ME2: variants seen among roughly 807,000 people sequenced by gnomAD.
ME2 encodes the protein malic enzyme 2, also known as NAD-dependent malic enzyme, mitochondrial.
Under a neutral mutation model 73.7 loss-of-function variants are expected in ME2, and 60 were observed. That is an observed-to-expected ratio of 0.81 (90% CI 0.66 to 1.01). The LOEUF is 1.01. ME2 is among the 50% of genes least tolerant of loss of function. ME2 has a pLI of 0.00. For missense variants in ME2, 594 were observed against 705.5 expected, an observed-to-expected ratio of 0.84 and a Z score of 1.79; for synonymous variants, 199 against 236.9, an observed-to-expected ratio of 0.84 and a Z score of 1.47.
intron 13 of ME2, chr18:50,933,017 T>G (rs1159823743): frequency 1.3e-5 from 2 of 152,254 alleles, no homozygotes; most frequent in Non-Finnish European, 2.9e-5. Flanking sequence ...TAATAATTGC[T>G]TAATATCGTT....
At chr18:50,883,098 A>G (rs188413435) in intron 1 of ME2, among the ~76,000 whole-genome samples, 43 of 152,342 alleles carry the variant, frequency 2.8e-4, no homozygotes, top group Admixed American at 2.0e-3. Flanking sequence ...ACTATATTAC[A>G]TTGTGTTAGT....
At chr18:50,932,616 A>C in intron 13 of ME2, 1 of 273,236 alleles carries the variant, frequency 3.7e-6, no homozygotes. Context: ...GAGGAACAGA[A>C]TGGCACAAAA....
chr18:50,946,670 G>T (rs191300141), intron 15 of ME2, among the ~76,000 whole-genome samples: 1 of 152,134 alleles, frequency 6.6e-6, no homozygotes, highest in Admixed American at 6.6e-5. Flanking sequence ...TCTCACCTTG[G>T]GTTAGGTTTT....
intron 1 of ME2, among the ~76,000 whole-genome samples, chr18:50,895,007 T>A (rs1223499737): frequency 4.6e-5 from 7 of 151,634 alleles, no homozygotes; most frequent in Non-Finnish European, 5.9e-5. Flanking sequence ...TTCACACATA[T>A]CATGGATTTC....
chr18:50,909,787 T>C (rs1443909181), intron 3 of ME2, among the ~76,000 whole-genome samples: 1 of 152,190 alleles, frequency 6.6e-6, no homozygotes, highest in Non-Finnish European at 1.5e-5. Context: ...GAAAATTTAA[T>C]GTTTCATCGT....
chr18:50,898,282 T>C (rs904527698), intron 2 of ME2, among the ~76,000 whole-genome samples: 3 of 152,180 alleles, frequency 2.0e-5, no homozygotes, highest in Non-Finnish European at 4.4e-5. Flanking sequence ...TTTATTGTGG[T>C]AAAGGAAGCA....
At chr18:50,921,388 C>G (rs1156692561) in intron 10 of ME2, among the ~76,000 whole-genome samples, 1 of 151,968 alleles carries the variant, frequency 6.6e-6, no homozygotes, top group East Asian at 1.9e-4. Flanking sequence ...TTAATAATCT[C>G]TATGTTGGCA....
chr18:50,907,768 G>C (rs1251137300), intron 2 of ME2, among the ~76,000 whole-genome samples: 1 of 152,058 alleles, frequency 6.6e-6, no homozygotes, highest in Non-Finnish European at 1.5e-5. Flanking sequence ...CTCTAGAATG[G>C]CTCCCTGGAA....
chr18:50,924,078 T>C lies in ME2; in HGVS notation c.1057-20T>C. 1 of 1,502,026 alleles carries C rather than the reference T, an allele frequency of 6.7e-7. No individual in the cohort carries two copies. Among genetic ancestry groups the C allele is most frequent in the Non-Finnish European group, 9.2e-7 (1 of 1,082,222 alleles). 93.0% of individuals were successfully genotyped at this position (1,502,026 alleles called of 1,614,324 possible). A position where few individuals can be genotyped will look rare whatever the true frequency, so the allele number is the denominator to read the frequency against. On this transcript the variant is annotated intron_variant, in intron 10 of 15. Coordinates refer to ENST00000321341, the MANE Select transcript of ME2 (RefSeq NM_002396.5). ...ATATGCATTGACTAAAAAAATACTG[T>C]ATTTTATCTCAAAATTTAGGGACGG...
In ME2 at chr18:50,950,547, T is replaced by G. The variant is rs1277537361; in HGVS notation, c.*3363T>G. The G allele has an allele frequency of 9.1e-5, 13 of 142,638 alleles. No homozygotes were observed. Among genetic ancestry groups the G allele is most frequent in the African/African-American group, 3.4e-4 (13 of 38,412 alleles). The allele number at this position is 142,638 out of a possible 1,614,324, so 8.8% of individuals were successfully genotyped here. A position where few individuals can be genotyped will look rare whatever the true frequency, so the allele number is the denominator to read the frequency against. ...CTCACTCAGGCTGCAGTGAGTGGCG[T>G]GATCTTGGCTCACTGCAACCTCCAC... On this transcript the variant is annotated 3_prime_UTR_variant, in exon 16 of 16. Transcript: ENST00000321341.
At chr18:50,921,841 A>G (rs1228395653) in intron 10 of ME2, among the ~76,000 whole-genome samples, 2 of 152,246 alleles carry the variant, frequency 1.3e-5, no homozygotes, top group Non-Finnish European at 2.9e-5. Flanking sequence ...TGGATAATAA[A>G]GAGCTTATCT....
chr18:50,917,473 C>G lies in ME2; in HGVS notation c.595C>G (p.Leu199Val), dbSNP rs753643872. The G allele has an allele frequency of 6.2e-7, 1 of 1,613,052 alleles. No homozygotes were observed. Among genetic ancestry groups the G allele is most frequent in the Admixed American group, 1.7e-5 (1 of 60,000 alleles). Residue 199 changes from leucine (L) to valine (V), a missense_variant, in exon 6 of 16, where the codon CTG becomes GTG. Leu to Val is a conservative substitution (Grantham distance 32). Transcript: ENST00000321341. ...TGCAGGAATACGGCCTGATAGATGCCTGCCAGTGTGTATTGATGTGGGAAC... is the reference window on the plus strand; with the variant it reads ...TGCAGGAATACGGCCTGATAGATGCGTGCCAGTGTGTATTGATGTGGGAAC... ...ACAGIRPDRC[L>V]PVCIDVGTDN...
chr18:50,927,721 CATAT>C lies in ME2; in HGVS notation c.1314+1851_1314+1854del, dbSNP rs368161371. ...CATCTCAAAAAAAACCCCAAAAAAC[CATAT>C]ATATATATATATATATATATATATA... On this transcript the variant is annotated intron_variant, in intron 12 of 15. Coordinates refer to ENST00000321341, the MANE Select transcript of ME2 (RefSeq NM_002396.5). Among the ~76,000 whole-genome samples the C allele has an allele frequency of 7.9e-3, 679 of 85,432 alleles. 16 individuals carry two copies. Among genetic ancestry groups the C allele is most frequent in the African/African-American group, 0.029 (605 of 21,212 alleles). The allele number at this position is 85,432 out of a possible 152,430, so 56.0% of individuals were successfully genotyped here.
intron 3 of ME2, among the ~76,000 whole-genome samples, chr18:50,911,462 T>C (rs1917154070): frequency 6.6e-6 from 1 of 152,184 alleles, no homozygotes; most frequent in Admixed American, 6.5e-5. Context: ...TATGGTATTG[T>C]CTAGACTGGA....
chr18:50,937,222 C>G (rs1568174900), intron 13 of ME2, among the ~76,000 whole-genome samples: 1 of 151,858 alleles, frequency 6.6e-6, no homozygotes, highest in Non-Finnish European at 1.5e-5. Context: ...GGACCACATT[C>G]TCTACTTAAA....
chr18:50,953,343 C>G lies in ME2; in HGVS notation c.*6159C>G, dbSNP rs1918262546. On this transcript the variant is annotated 3_prime_UTR_variant, in exon 16 of 16. Transcript: ENST00000321341. Reference sequence around the variant, plus strand: ...TCGATCTCCTGACCTCATGATCCACCCGCCTCGGCCTCCCAAAGTGCTGGG... The same window carrying G: ...TCGATCTCCTGACCTCATGATCCACGCGCCTCGGCCTCCCAAAGTGCTGGG... 1 of 152,178 alleles carries G rather than the reference C, an allele frequency of 6.6e-6. No homozygotes were observed. Among genetic ancestry groups the G allele is most frequent in the Admixed American group, 6.5e-5 (1 of 15,270 alleles). The allele number at this position is 152,178 out of a possible 1,614,324, so 9.4% of individuals were successfully genotyped here. A position where few individuals can be genotyped will look rare whatever the true frequency, so the allele number is the denominator to read the frequency against.
intron 13 of ME2, among the ~76,000 whole-genome samples, chr18:50,936,904 C>T (rs1307698495): frequency 1.3e-5 from 2 of 151,942 alleles, no homozygotes; most frequent in Non-Finnish European, 2.9e-5. Context: ...GCACTGTAGC[C>T]TGGGCAATAG....
chr18:50,880,174 C>T (rs1427409542), intron 1 of ME2, among the ~76,000 whole-genome samples: 2 of 152,136 alleles, frequency 1.3e-5, no homozygotes, highest in Non-Finnish European at 2.9e-5. Flanking sequence ...ACAGGCAGAG[C>T]GCTAGTTTCT....
chr18:50,903,305 T>C (rs1419775716), intron 2 of ME2, among the ~76,000 whole-genome samples: 1 of 152,202 alleles, frequency 6.6e-6, no homozygotes, highest in East Asian at 1.9e-4. Context: ...AACATAAATA[T>C]CTATACATAA....
Sources: gnomAD v4.1 joint callset for allele counts (sites outside exome capture counted in the v4.1 genomes callset) on GRCh38, gnomAD v4.1.1 for gene constraint, MANE v1.5 for transcripts, NCBI Gene and HGNC (gene_info 2026-07-23, HGNC 2026-07-21) for gene names.